FSTL4: variants seen among roughly 807,000 people sequenced by gnomAD.
The protein encoded by FSTL4 is follistatin-related protein 4.
FSTL4 carries 28 observed loss-of-function variants against 78.2 expected under a neutral mutation model. That is an observed-to-expected ratio of 0.36 (90% CI 0.27 to 0.49). FSTL4 has a LOEUF of 0.49. FSTL4 is among the 20% of genes least tolerant of loss of function. The probability of loss-of-function intolerance (pLI) is 0.98; values close to 1 mark genes in which losing one functional copy is unlikely to be tolerated. For synonymous variants in FSTL4, 422 were observed against 440.5 expected (o/e 0.96, Z 0.53); for missense variants, 922 against 1,084.9 (o/e 0.85, Z 2.11).
Position 133,346,226 on chromosome 5 carries a change from A to G in FSTL4, c.410-29574T>C, listed in dbSNP as rs189089492. The stretch of plus-strand genomic sequence containing the variant: ...ATGGATAGAGGGAGGGGAATATCAC[A>G]CACTGCGGCCTGTCAGGGGGTTGGG... On this transcript the variant is annotated intron_variant, in intron 4 of 15. Coordinates refer to ENST00000265342, the MANE Select transcript of FSTL4 (RefSeq NM_015082.2). 1.2e-3 allele frequency among the ~76,000 whole-genome samples: 176 copies of G among 152,106 alleles called. 1 individual carries two copies. The highest frequency in any genetic ancestry group is 4.0e-3 in the African/African-American group (166 of 41,486).
At chr5:133,720,937 T>C in the FSTL4 span, 1 of 152,246 alleles carries the variant, frequency 6.6e-6, no homozygotes, top group Non-Finnish European at 1.5e-5. Flanking sequence ...AATGCCATTA[T>C]CCATTGAATA....
intron 3 of FSTL4, among the ~76,000 whole-genome samples, chr5:133,419,593 T>C (rs1327172395): frequency 6.6e-6 from 1 of 152,232 alleles, no homozygotes; most frequent in African/African-American, 2.4e-5. Flanking sequence ...TTAATTTCTT[T>C]TGGGTAAGTA....
intron 4 of FSTL4, among the ~76,000 whole-genome samples, chr5:133,318,049 T>A (rs981891099): frequency 7.2e-5 from 11 of 152,206 alleles, no homozygotes; most frequent in Non-Finnish European, 1.5e-4. Context: ...ATTTCCAGAT[T>A]TTCTTCCAAT....
the FSTL4 span, among the ~76,000 whole-genome samples, chr5:133,742,939 G>A: frequency 6.6e-5 from 10 of 152,200 alleles, no homozygotes; most frequent in East Asian, 7.7e-4. Context: ...TCATCCCGCC[G>A]GAAAGTCATC....
chr5:133,477,979 A>G (rs1757956435), intron 3 of FSTL4, among the ~76,000 whole-genome samples: 1 of 152,182 alleles, frequency 6.6e-6, no homozygotes, highest in South Asian at 2.1e-4. Context: ...CAGCGATGAC[A>G]TCTGAGGGAG....
chr5:133,556,882 G>GAA (rs1175347765), intron 3 of FSTL4, among the ~76,000 whole-genome samples: 3 of 152,220 alleles, frequency 2.0e-5, no homozygotes, highest in African/African-American at 7.2e-5. Context: ...GCCACTGCCA[G>GAA]GTGAGGGGCT....
chr5:133,642,028 C>T, the FSTL4 span, among the ~76,000 whole-genome samples: 1 of 152,040 alleles, frequency 6.6e-6, no homozygotes, highest in Non-Finnish European at 1.5e-5. Context: ...CTCTCAATAC[C>T]TTCTTCCCAA....
chr5:133,312,678 G>A lies in FSTL4; in HGVS notation c.703C>T (p.Leu235Phe). Reference sequence around the variant, plus strand: ...CGGAAGGCCATGTAGAACTCGCGGAGGGTCAGGGAGCTGTCACTGTTGTAA... The same window carrying A: ...CGGAAGGCCATGTAGAACTCGCGGAAGGTCAGGGAGCTGTCACTGTTGTAA... ...DDYNSDSSLT[L>F]REFYMAFQVV... The change falls in exon 6 of 16, where the codon CTC (leucine) becomes TTC (phenylalanine). Residue 235 changes from leucine (L) to phenylalanine (F), a missense_variant. Leu to Phe is a conservative substitution (Grantham distance 22, BLOSUM62 0). Transcript: ENST00000265342. 6.2e-7 allele frequency: 1 copy of A among 1,614,038 alleles called. No individual in the cohort carries two copies. Among genetic ancestry groups the A allele is most frequent in the Non-Finnish European group, 8.5e-7 (1 of 1,179,918 alleles).
intron 2 of FSTL4, chr5:133,575,183 C>T (rs562231782): frequency 1.3e-5 from 2 of 152,178 alleles, no homozygotes; most frequent in African/African-American, 4.8e-5. Context: ...GAGGGAAAGA[C>T]TGCAACTTGC....
chr5:133,247,333 G>A (rs1752070846), intron 7 of FSTL4: 1 of 152,252 alleles, frequency 6.6e-6, no homozygotes, highest in Non-Finnish European at 1.5e-5. Flanking sequence ...CTGGAGGCAT[G>A]TTTGAGGGAG....
rs1751253125 is a variant in FSTL4, at chr5:133,224,209, G to A, written c.1320C>T (p.Asn440=). The A allele has an allele frequency of 6.2e-7, 1 of 1,612,256 alleles. No individual in the cohort carries two copies. The highest frequency in any genetic ancestry group is 1.3e-5 in the African/African-American group (1 of 74,888). The change falls in exon 11 of 16, where the codon AAC becomes AAT. Residue 440 remains asparagine (N), a synonymous_variant. Transcript: ENST00000265342. ...IEDSARKTLA[N]ILWREEGLSV... ...TGGTACCTTCCTCTCGCCACAGGAT[G>A]TTTGCAACTGCAGCAGCAGAGAATG... is the stretch of plus-strand genomic sequence containing the variant.
At chr5:133,699,698 G>A in the FSTL4 span, among the ~76,000 whole-genome samples, 10,123 of 152,040 alleles carry the variant, frequency 0.067, 450 homozygotes, top group Middle Eastern at 0.15. Flanking sequence ...TGTCTAACAC[G>A]GTGAAACCTC....
At chr5:133,696,745 G>A in the FSTL4 span, among the ~76,000 whole-genome samples, 1 of 152,256 alleles carries the variant, frequency 6.6e-6, no homozygotes, top group African/African-American at 2.4e-5. Flanking sequence ...AGGAGGGGAA[G>A]CCCCAGTGGG....
At chr5:133,442,623 C>T (rs1197261834) in intron 3 of FSTL4, among the ~76,000 whole-genome samples, 5 of 152,142 alleles carry the variant, frequency 3.3e-5, no homozygotes, top group African/African-American at 7.2e-5. Context: ...AAAATGCTCA[C>T]GCAGTGGTAC....
chr5:133,249,485 A>G lies in FSTL4; in HGVS notation c.819T>C (p.His273=), dbSNP rs1159555613. The change falls in exon 7 of 16, where the codon CAT becomes CAC. Residue 273 remains histidine (H), a synonymous_variant. Transcript: ENST00000265342. ...GLSTVLTCAV[H]GDLRPPIIWK... ...AGATGATTGGTGGCCTCAGGTCTCC[A>G]TGGACGGCGCAGGTCAGCACTGTGC... is the stretch of plus-strand genomic sequence containing the variant. 1.2e-6 allele frequency: 2 copies of G among 1,613,740 alleles called. No individual in the cohort carries two copies. The highest frequency in any genetic ancestry group is 1.1e-5 in the South Asian group (1 of 91,072).
intron 6 of FSTL4, among the ~76,000 whole-genome samples, chr5:133,294,551 G>T (rs1381915373): frequency 6.6e-6 from 1 of 152,158 alleles, no homozygotes; most frequent in Non-Finnish European, 1.5e-5. Flanking sequence ...GCTAACAGCA[G>T]TCTCCCTTAT....
At chr5:133,544,850 T>A (rs1163026545) in intron 3 of FSTL4, among the ~76,000 whole-genome samples, 1 of 152,120 alleles carries the variant, frequency 6.6e-6, no homozygotes, top group East Asian at 1.9e-4. Flanking sequence ...AGCTAAGAGC[T>A]CAACAGAGAT....
intron 3 of FSTL4, among the ~76,000 whole-genome samples, chr5:133,471,045 A>G (rs1284247020): frequency 1.3e-5 from 2 of 151,020 alleles, no homozygotes; most frequent in East Asian, 3.8e-4. Context: ...GAGGAAGGAT[A>G]TATGTCTTTA....
intron 2 of FSTL4, among the ~76,000 whole-genome samples, chr5:133,598,191 G>A (rs1760781026): frequency 6.6e-6 from 1 of 152,082 alleles, no homozygotes; most frequent in African/African-American, 2.4e-5. Context: ...AAAAAGGCCA[G>A]AGTCAATCCA....
Sources: allele counts gnomAD v4.1 joint callset (sites outside exome capture counted in the v4.1 genomes callset), GRCh38; gene constraint gnomAD v4.1.1; transcripts MANE v1.5; gene names NCBI Gene and HGNC (gene_info 2026-07-23, HGNC 2026-07-21).